Variants in SIMC1 observed in about 807,000 individuals in gnomAD.
SIMC1 encodes SUMO interacting motifs containing 1, also known as SUMO-interacting motif-containing protein 1.
A neutral mutation model predicts 82.3 loss-of-function variants in SIMC1; 55 were observed. The ratio of observed to expected loss-of-function variants is 0.67; its 90% confidence interval spans 0.54 to 0.84. SIMC1 has a LOEUF of 0.84. Among genes scored for constraint, SIMC1 ranks in the 40% least tolerant of loss-of-function variants. The pLI is 0.00. For missense variants in SIMC1, 915 were observed against 1,107.2 expected (o/e 0.83, Z 2.46); for synonymous variants, 353 against 426.3 (o/e 0.83, Z 2.12).
chr5:176,261,881 G>T (rs1762027495), intron 1 of SIMC1, among the ~76,000 whole-genome samples: 1 of 152,160 alleles, frequency 6.6e-6, no homozygotes, highest in Non-Finnish European at 1.5e-5. Context: ...GTTGGCGAGT[G>T]AATTCCAACA....
chr5:176,327,242 AT>A (rs758669581), intron 7 of SIMC1, among the ~76,000 whole-genome samples: 1 of 152,212 alleles, frequency 6.6e-6, no homozygotes, highest in Non-Finnish European at 1.5e-5. Context: ...AGAGGGGCAA[AT>A]TGGCCACTCA....
intron 1 of SIMC1, among the ~76,000 whole-genome samples, chr5:176,273,828 A>G (rs1430847747): frequency 6.6e-6 from 1 of 152,146 alleles, no homozygotes. Context: ...TACAAAGGAC[A>G]TGAACTCCTC....
At chr5:176,288,024 A>G (rs1561695736) in intron 1 of SIMC1, among the ~76,000 whole-genome samples, 2 of 152,154 alleles carry the variant, frequency 1.3e-5, no homozygotes, top group Non-Finnish European at 2.9e-5. Context: ...AGAAACTCCA[A>G]ACAATCAAAG....
rs1322673547 is a variant in SIMC1 at position 176,345,442 on chromosome 5, C to T, written c.2673C>T (p.Ser891=). Residue 891 remains serine (S), a synonymous_variant, in exon 10 of 10, where the codon TCC becomes TCT. Transcript: ENST00000429602. ...AEPFQKGWSG[S] ...CCTTTCAAAAGGGCTGGAGCGGCTC[C>T]TGAGGGCCTGCCAAGCACTGAATGC... The T allele has an allele frequency of 6.2e-7, 1 of 1,611,614 alleles. No individual in the cohort carries two copies. Among genetic ancestry groups the T allele is most frequent in the Non-Finnish European group, 8.5e-7 (1 of 1,178,610 alleles).
chr5:176,245,112 A>AC (rs1162068799), intron 1 of SIMC1, among the ~76,000 whole-genome samples: 2 of 152,012 alleles, frequency 1.3e-5, no homozygotes, highest in African/African-American at 2.4e-5. Context: ...TGAAGTTCTA[A>AC]CCCCCCACTA....
In SIMC1 at chr5:176,287,750, TTACTC is replaced by T. The variant is rs1193288759; in HGVS notation, c.130-1903_130-1899del. ...TCCTAAGGAATCGACAAAAAAAAGTTTACTCAAACTAGTGAACTTAGCAAGGTTGC... is the reference window on the plus strand; with the variant it reads ...TCCTAAGGAATCGACAAAAAAAAGTTAAACTAGTGAACTTAGCAAGGTTGC... On this transcript the variant is annotated intron_variant, in intron 1 of 9. Transcript: ENST00000429602. Among the ~76,000 whole-genome samples the T allele has an allele frequency of 7.3e-5, 11 of 150,948 alleles. 1 individual carries two copies. The highest frequency in any genetic ancestry group is 2.2e-4 in the African/African-American group (9 of 41,208).
intron 1 of SIMC1, among the ~76,000 whole-genome samples, chr5:176,244,973 G>A (rs1445186852): frequency 3.3e-5 from 5 of 151,802 alleles, no homozygotes; most frequent in African/African-American, 4.8e-5. Flanking sequence ...CACCCACCTC[G>A]GCCTCCCAAA....
intron 9 of SIMC1, among the ~76,000 whole-genome samples, chr5:176,340,088 C>G (rs1766063553): frequency 1.3e-5 from 2 of 152,182 alleles, no homozygotes; most frequent in Non-Finnish European, 2.9e-5. Flanking sequence ...TAGGGGAACT[C>G]TCAGCATGGA....
chr5:176,274,526 A>G (rs1188692332), intron 1 of SIMC1, among the ~76,000 whole-genome samples: 2 of 151,680 alleles, frequency 1.3e-5, no homozygotes, highest in African/African-American at 4.8e-5. Context: ...CCCATTTGTC[A>G]ATTTTGGCTT....
chr5:176,290,989 C>G, intron 2 of SIMC1, 34 bp downstream of exon 2: 1 of 1,472,880 alleles, frequency 6.8e-7, no homozygotes, highest in Non-Finnish European at 9.1e-7. Context: ...GATTAGGTGT[C>G]CTTTCCCTAG....
chr5:176,246,422 G>T (rs1405669582), intron 1 of SIMC1, among the ~76,000 whole-genome samples: 1 of 148,094 alleles, frequency 6.8e-6, no homozygotes, highest in Non-Finnish European at 1.5e-5. Context: ...GTGTGTGTGT[G>T]TGTGTGTGTG....
chr5:176,320,543 T>C (rs1765117813), intron 5 of SIMC1, among the ~76,000 whole-genome samples: 1 of 151,938 alleles, frequency 6.6e-6, no homozygotes, highest in Admixed American at 6.6e-5. Context: ...TAATTTTTAG[T>C]ATTTTTAGTA....
chr5:176,249,268 C>G (rs1427982436), intron 1 of SIMC1, among the ~76,000 whole-genome samples: 2 of 152,026 alleles, frequency 1.3e-5, no homozygotes, highest in Non-Finnish European at 2.9e-5. Flanking sequence ...TAATTACTGC[C>G]TCAATTTCAG....
At chr5:176,284,440 A>C (rs1452017741) in intron 1 of SIMC1, among the ~76,000 whole-genome samples, 1 of 152,222 alleles carries the variant, frequency 6.6e-6, no homozygotes, top group Non-Finnish European at 1.5e-5. Context: ...TACATAATGA[A>C]ATGAAGGCAG....
chr5:176,271,453 G>A (rs1457886577), intron 1 of SIMC1, among the ~76,000 whole-genome samples: 1 of 152,124 alleles, frequency 6.6e-6, no homozygotes, highest in African/African-American at 2.4e-5. Flanking sequence ...AGAACTGGAC[G>A]ACATTCTGTT....
At chr5:176,263,024 ATACATTACCATTTACATT>A (rs1395073323) in intron 1 of SIMC1, among the ~76,000 whole-genome samples, 2 of 151,962 alleles carry the variant, frequency 1.3e-5, no homozygotes, top group African/African-American at 4.8e-5. Context: ...GAAATGAAAC[ATACATTACCATTTACATT>A]TACATTAGCA....
At chr5:176,333,768 C>T (rs971264073) in intron 7 of SIMC1, among the ~76,000 whole-genome samples, 1 of 152,010 alleles carries the variant, frequency 6.6e-6, no homozygotes, top group African/African-American at 2.4e-5. Flanking sequence ...TTGCCCCAAC[C>T]TCTCTTATCT....
chr5:176,335,573 C>T (rs1313932710), intron 7 of SIMC1, among the ~76,000 whole-genome samples: 2 of 151,522 alleles, frequency 1.3e-5, no homozygotes, highest in East Asian at 3.9e-4. Context: ...CCACCACGCC[C>T]GGCCTTGTTT....
intron 1 of SIMC1, among the ~76,000 whole-genome samples, chr5:176,279,185 G>T (rs1372789551): frequency 1.3e-5 from 2 of 152,174 alleles, no homozygotes; most frequent in Non-Finnish European, 2.9e-5. Context: ...TTGGGAGAGT[G>T]TATGTGTCGA....
Sources: allele counts gnomAD v4.1 joint callset (sites outside exome capture counted in the v4.1 genomes callset), GRCh38; gene constraint gnomAD v4.1.1; transcripts MANE v1.5; gene names NCBI Gene and HGNC (gene_info 2026-07-23, HGNC 2026-07-21).